ZNF595: variants seen among roughly 807,000 people sequenced by gnomAD.
The protein encoded by ZNF595 is zinc finger protein 595.
ZNF595 carries 9 observed loss-of-function variants against 19.4 expected under a neutral mutation model. The observed-to-expected ratio is 0.46, with a 90% confidence interval of 0.28 to 0.81. ZNF595 has a LOEUF of 0.81. ZNF595 is among the 30% of genes least tolerant of loss of function. ZNF595 has a pLI of 0.11. For missense variants in ZNF595, 729 were observed against 736.0 expected (o/e 0.99, Z 0.11); for synonymous variants, 255 against 255.9 (o/e 1.00, Z 0.03).
Position 87,622 on chromosome 4 carries a change from G to C in ZNF595, c.*171G>C. The C allele has an allele frequency of 1.9e-6, 1 of 515,270 alleles. No homozygotes were observed. The highest frequency in any genetic ancestry group is 3.2e-6 in the Non-Finnish European group (1 of 309,982). The allele number at this position is 515,270 out of a possible 1,614,324, so 31.9% of individuals were successfully genotyped here. A position where few individuals can be genotyped will look rare whatever the true frequency, so the allele number is the denominator to read the frequency against. On this transcript the variant is annotated 3_prime_UTR_variant, in exon 4 of 4. Coordinates refer to ENST00000610261, the MANE Select transcript of ZNF595 (RefSeq NM_182524.4). ...GCTTATTTGGATTATTTTGATACAG[G>C]CATATGACATGTAATTATCACATCA...
At chr4:77,509 A>G (rs1050237000) in intron 3 of ZNF595, among the ~76,000 whole-genome samples, 22 of 152,236 alleles carry the variant, frequency 1.4e-4, no homozygotes, top group Non-Finnish European at 2.9e-4. Flanking sequence ...ATGTCCTTGC[A>G]TCTGAAGGAG....
chr4:70,442 A>G (rs147473864), intron 3 of ZNF595, among the ~76,000 whole-genome samples: 1,798 of 151,976 alleles, frequency 0.012, 11 homozygotes, highest in Non-Finnish European at 0.018. Flanking sequence ...GGTTCAAGCA[A>G]TTCTCCCACC....
At chr4:66,871 A>C (rs1245678149) in intron 3 of ZNF595, among the ~76,000 whole-genome samples, 3 of 149,752 alleles carry the variant, frequency 2.0e-5, no homozygotes, top group African/African-American at 7.4e-5. Flanking sequence ...AACGTTGTGC[A>C]TGTAACTTTG....
At chr4:66,584 G>A (rs1581332332) in intron 3 of ZNF595, among the ~76,000 whole-genome samples, 48,677 of 113,054 alleles carry the variant, frequency 0.43, 7,135 homozygotes, top group South Asian at 0.51. Flanking sequence ...TAATTCTTAC[G>A]TTTAAATATT....
intron 3 of ZNF595, among the ~76,000 whole-genome samples, chr4:68,756 G>T (rs1581338535): frequency 6.6e-6 from 1 of 151,994 alleles, no homozygotes; most frequent in Non-Finnish European, 1.5e-5. Context: ...TTTATTTTAC[G>T]AACAATCTAA....
intron 3 of ZNF595, among the ~76,000 whole-genome samples, chr4:66,544 C>T (rs1581332246): frequency 0.055 from 7,943 of 144,810 alleles, 73 homozygotes; most frequent in East Asian, 0.13. Flanking sequence ...CATAATCTTC[C>T]TATATTTTCT....
At chr4:62,054 T>C (rs1581324425) in intron 3 of ZNF595, among the ~76,000 whole-genome samples, 7 of 125,958 alleles carry the variant, frequency 5.6e-5, no homozygotes, top group Middle Eastern at 4.1e-3. Context: ...TTGTAGCAAA[T>C]TGTAAGCATA....
chr4:77,943 G>GAACTGATTCA (rs1295120376), intron 3 of ZNF595, among the ~76,000 whole-genome samples: 1 of 152,054 alleles, frequency 6.6e-6, no homozygotes, highest in Non-Finnish European at 1.5e-5. Context: ...TGAGGGTGTG[G>GAACTGATTCA]AACTGATTCA....
chr4:74,559 T>G (rs1553798385), intron 3 of ZNF595, among the ~76,000 whole-genome samples: 1 of 152,236 alleles, frequency 6.6e-6, no homozygotes, highest in Non-Finnish European at 1.5e-5. Flanking sequence ...CCTGGAGACA[T>G]GTGCCCCAGG....
intron 3 of ZNF595, among the ~76,000 whole-genome samples, chr4:77,696 A>C (rs1006460309): frequency 3.3e-5 from 5 of 152,204 alleles, no homozygotes; most frequent in African/African-American, 1.2e-4. Flanking sequence ...TCAGGCCATC[A>C]GACAGTTGTG....
At chr4:72,754 G>A (rs1553798063) in intron 3 of ZNF595, among the ~76,000 whole-genome samples, 1 of 152,152 alleles carries the variant, frequency 6.6e-6, no homozygotes, top group East Asian at 1.9e-4. Flanking sequence ...CTGAGTTTGA[G>A]GAATTCTGCT....
At position 87,052 on chromosome 4, in the gene ZNF595, T is replaced by C. The variant is rs1232009015; in HGVS notation, c.1548T>C (p.Ala516=). ...KPYKCKECGK[A]FNQSSGLIIH... ...ACAAATGTAAAGAATGTGGCAAAGC[T>C]TTTAACCAATCCTCAGGCCTTATTA... Residue 516 remains alanine (A), a synonymous_variant, in exon 4 of 4, where the codon GCT becomes GCC. Coordinates refer to ENST00000610261, the MANE Select transcript of ZNF595 (RefSeq NM_182524.4). 1.2e-6 allele frequency: 2 copies of C among 1,612,826 alleles called. No homozygotes were observed. The highest frequency in any genetic ancestry group is 1.3e-5 in the African/African-American group (1 of 74,480).
chr4:69,375 T>G (rs557325922), intron 3 of ZNF595, among the ~76,000 whole-genome samples: 1 of 152,210 alleles, frequency 6.6e-6, no homozygotes, highest in South Asian at 2.1e-4. Flanking sequence ...AATGCTAGAG[T>G]TTTTTTCCCC....
intron 3 of ZNF595, among the ~76,000 whole-genome samples, chr4:82,903 G>T: frequency 6.6e-6 from 1 of 152,026 alleles, no homozygotes; most frequent in African/African-American, 2.4e-5. Flanking sequence ...ATACTGCTTT[G>T]AAGTCTTCTA....
chr4:78,478 T>G (rs1713766313), intron 3 of ZNF595, among the ~76,000 whole-genome samples: 1 of 152,254 alleles, frequency 6.6e-6, no homozygotes, highest in Non-Finnish European at 1.5e-5. Context: ...GGTATTTGCA[T>G]GTATAAATAT....
At position 86,971 on chromosome 4, in the gene ZNF595, C is replaced by G; in HGVS notation, c.1467C>G (p.Phe489Leu). 1 of 1,609,512 alleles carries G rather than the reference C, an allele frequency of 6.2e-7. No individual in the cohort carries two copies. Among genetic ancestry groups the G allele is most frequent in the East Asian group, 2.2e-5 (1 of 44,526 alleles). ...AATGTGAAGAATGTGGCAAAGCTTT[C>G]ATATGGTCCGCAAGCCTGAATGAAC... Reference protein sequence around the residue: ...PYKCEECGKAFIWSASLNEHK... With the variant: ...PYKCEECGKALIWSASLNEHK... The change falls in exon 4 of 4, where the codon TTC (phenylalanine) becomes TTG (leucine). Residue 489 changes from phenylalanine (F) to leucine (L), a missense_variant. By Grantham distance (22) the Phe-to-Leu change is conservative. This residue lies in a region of ZNF595 where 729 missense variants were observed against 675.3 expected (regional missense o/e 1.08). Transcript: ENST00000610261.
intron 3 of ZNF595, among the ~76,000 whole-genome samples, chr4:75,739 T>C (rs1158893838): frequency 2.0e-5 from 3 of 152,102 alleles, no homozygotes; most frequent in Admixed American, 6.5e-5. Context: ...GAGTTCTGTT[T>C]TGTTTTTGTT....
chr4:79,536 T>A (rs1713815984), intron 3 of ZNF595, among the ~76,000 whole-genome samples: 1 of 152,216 alleles, frequency 6.6e-6, no homozygotes, highest in Admixed American at 6.5e-5. Context: ...CACTTGGCTG[T>A]AGGCTCATGA....
chr4:82,936 A>T (rs1713977844), intron 3 of ZNF595, among the ~76,000 whole-genome samples: 1 of 151,960 alleles, frequency 6.6e-6, no homozygotes, highest in Non-Finnish European at 1.5e-5. Flanking sequence ...TTCTTTTCTG[A>T]TTATTCATTA....
Sources: gnomAD v4.1 joint callset for allele counts (sites outside exome capture counted in the v4.1 genomes callset) on GRCh38, gnomAD v4.1.1 for gene constraint, gnomAD v4.1.1 regional missense constraint, MANE v1.5 for transcripts, NCBI Gene and HGNC (gene_info 2026-07-23, HGNC 2026-07-21) for gene names.